Variants in STXBP5L observed in about 807,000 individuals in gnomAD.
STXBP5L encodes the protein syntaxin-binding protein 5-like.
In STXBP5L, 65 loss-of-function variants were observed where a neutral mutation model predicts 144.5. The ratio of observed to expected loss-of-function variants is 0.45; its 90% CI spans 0.37 to 0.55. STXBP5L has a LOEUF of 0.55. STXBP5L is among the 20% of genes least tolerant of loss of function. The probability of loss-of-function intolerance (pLI) is 0.00; values close to 1 mark genes in which losing one functional copy is unlikely to be tolerated. For missense variants in STXBP5L, 1,298 were observed against 1,405.5 expected (o/e 0.92, Z 1.22); for synonymous variants, 505 against 469.6 (o/e 1.08, Z -0.97).
chr3:120,940,540 A>C (rs1389101431), intron 2 of STXBP5L, among the ~76,000 whole-genome samples: 1 of 151,938 alleles, frequency 6.6e-6, no homozygotes, highest in Non-Finnish European at 1.5e-5. Context: ...AAGGATATTG[A>C]AGACTCTGAG....
At chr3:120,915,979 T>G (rs73185418) in intron 2 of STXBP5L, among the ~76,000 whole-genome samples, 6,042 of 152,228 alleles carry the variant, frequency 0.04, 168 homozygotes, top group Middle Eastern at 0.082. Flanking sequence ...GAAAATATAT[T>G]GTATTTATTA....
intron 11 of STXBP5L, among the ~76,000 whole-genome samples, chr3:121,225,556 T>C (rs866182747): frequency 1.8e-4 from 27 of 152,010 alleles, no homozygotes; most frequent in South Asian, 8.3e-4. Flanking sequence ...GAGTCCTAAT[T>C]GGAAGGGGAT....
chr3:121,192,397 C>T (rs1006495258), intron 9 of STXBP5L, among the ~76,000 whole-genome samples: 2 of 152,144 alleles, frequency 1.3e-5, no homozygotes, highest in African/African-American at 4.8e-5. Flanking sequence ...CCATACTCCC[C>T]AAGTTAATTT....
chr3:121,323,331 T>C (rs952343277), intron 20 of STXBP5L, among the ~76,000 whole-genome samples: 11 of 152,240 alleles, frequency 7.2e-5, no homozygotes, highest in African/African-American at 2.4e-4. Context: ...AGGTGTTACA[T>C]TGAAATATTT....
chr3:120,946,145 G>A (rs1480326804), intron 2 of STXBP5L, among the ~76,000 whole-genome samples: 1 of 151,584 alleles, frequency 6.6e-6, no homozygotes. Flanking sequence ...GAATGGTTGG[G>A]GTATGTATTA....
intron 20 of STXBP5L, among the ~76,000 whole-genome samples, chr3:121,336,358 G>A (rs779417146): frequency 1.3e-5 from 2 of 151,966 alleles, no homozygotes; most frequent in Admixed American, 6.6e-5. Flanking sequence ...TTAGCTGGGA[G>A]CAGTGGTGCA....
Position 121,189,827 on chromosome 3 carries a change from A to G in STXBP5L, c.878-16096A>G, listed in dbSNP as rs2047563633. ...TCCATAATGAATAATTTGCGTGTGA[A>G]TAAAATGACCAACTTAAAATAAACA... On this transcript the variant is annotated intron_variant, in intron 9 of 26. Coordinates refer to ENST00000471454, the MANE Select transcript of STXBP5L (RefSeq NM_001308330.2). 3.3e-5 allele frequency among the ~76,000 whole-genome samples: 5 copies of G among 152,196 alleles called. No homozygotes were observed. The South Asian group carries it at 1.0e-3, about 32-fold the overall frequency.
chr3:121,114,520 A>G (rs1175335396), intron 5 of STXBP5L, among the ~76,000 whole-genome samples: 55 of 152,198 alleles, frequency 3.6e-4, no homozygotes, highest in Admixed American at 3.6e-3. Flanking sequence ...AAAATAGAAA[A>G]AAATGTAGCT....
intron 3 of STXBP5L, among the ~76,000 whole-genome samples, chr3:120,994,353 C>A (rs1441683374): frequency 6.6e-6 from 1 of 151,924 alleles, no homozygotes; most frequent in Non-Finnish European, 1.5e-5. Flanking sequence ...AATGGATATC[C>A]TTTTCTTTTT....
At chr3:121,387,846 G>T (rs1560045764) in intron 22 of STXBP5L, among the ~76,000 whole-genome samples, 1 of 152,132 alleles carries the variant, frequency 6.6e-6, no homozygotes, top group Non-Finnish European at 1.5e-5. Context: ...GATGCCTCCA[G>T]CTTTGTTCTT....
chr3:120,950,128 AT>A (rs1205029463), intron 2 of STXBP5L, among the ~76,000 whole-genome samples: 1 of 152,018 alleles, frequency 6.6e-6, no homozygotes, highest in Non-Finnish European at 1.5e-5. Context: ...AGATTTCTTT[AT>A]TCTTAGAGTT....
chr3:121,378,278 T>C (rs540286354), intron 20 of STXBP5L, among the ~76,000 whole-genome samples: 143 of 152,316 alleles, frequency 9.4e-4, no homozygotes, highest in African/African-American at 3.1e-3. Flanking sequence ...ATGGTGCATG[T>C]ATACCTATGT....
At chr3:121,217,178 C>A (rs1368505302) in intron 10 of STXBP5L, among the ~76,000 whole-genome samples, 1 of 152,144 alleles carries the variant, frequency 6.6e-6, no homozygotes, top group Non-Finnish European at 1.5e-5. Context: ...GCCCCCTTTC[C>A]TGGGAAGTGA....
In STXBP5L at chr3:120,911,065, A is replaced by G. The variant is rs543967345; in HGVS notation, c.189+1298A>G. Among the ~76,000 whole-genome samples, 55 of 152,130 alleles carry G rather than the reference A, an allele frequency of 3.6e-4. 1 individual carries two copies. Among genetic ancestry groups the G allele is most frequent in the Middle Eastern group, 3.4e-3 (1 of 294 alleles). ...TTCTCTAATCTTTGATGTGTTTGCA[A>G]TTTTCACGATCAGATTCTGAAAATT... On this transcript the variant is annotated intron_variant, in intron 2 of 26. Coordinates refer to ENST00000471454, the MANE Select transcript of STXBP5L (RefSeq NM_001308330.2).
chr3:120,948,966 T>C (rs1424618952), intron 2 of STXBP5L, among the ~76,000 whole-genome samples: 2 of 151,942 alleles, frequency 1.3e-5, no homozygotes, highest in Admixed American at 1.3e-4. Context: ...TACTTTTAGC[T>C]CTTTAAGGAA....
intron 7 of STXBP5L, among the ~76,000 whole-genome samples, chr3:121,130,292 A>G (rs973425536): frequency 6.6e-6 from 1 of 152,100 alleles, no homozygotes; most frequent in Admixed American, 6.6e-5. Context: ...GGGCCCTTGT[A>G]GAGACTGAAC....
At chr3:121,300,210 T>C (rs1182422986) in intron 19 of STXBP5L, among the ~76,000 whole-genome samples, 1 of 152,070 alleles carries the variant, frequency 6.6e-6, no homozygotes, top group Non-Finnish European at 1.5e-5. Context: ...CAATCCAGAA[T>C]TCTATATCTA....
At chr3:121,045,558 A>G (rs752741388) in intron 5 of STXBP5L, 23 bp downstream of exon 5, 7 of 1,587,542 alleles carry the variant, frequency 4.4e-6, no homozygotes, top group South Asian at 1.2e-5. Flanking sequence ...GAATTAAACA[A>G]TTTCTTAATG....
chr3:121,032,571 G>T (rs1281613427), intron 3 of STXBP5L, among the ~76,000 whole-genome samples: 1 of 147,636 alleles, frequency 6.8e-6, no homozygotes, highest in African/African-American at 2.5e-5. Flanking sequence ...ATTGACAAAT[G>T]GGATCTAATT....
Sources: allele counts gnomAD v4.1 joint callset (sites outside exome capture counted in the v4.1 genomes callset), GRCh38; gene constraint gnomAD v4.1.1; transcripts MANE v1.5; gene names NCBI Gene and HGNC (gene_info 2026-07-23, HGNC 2026-07-21).